CECR2: variants seen among roughly 807,000 people sequenced by gnomAD.
CECR2 encodes chromatin remodeling regulator CECR2.
In CECR2, 30 loss-of-function variants were observed where a neutral mutation model predicts 154.5. That is an observed-to-expected ratio of 0.19 (90% CI 0.15 to 0.26). CECR2 has a LOEUF of 0.26. Among genes scored for constraint, CECR2 ranks in the 10% least tolerant of loss-of-function variants. The pLI, the probability that CECR2 is intolerant of heterozygous loss-of-function variation, is 1.00. For synonymous variants in CECR2, 725 were observed against 683.7 expected, an observed-to-expected ratio of 1.06 and a Z score of -0.94; for missense variants, 1,743 against 1,829.3, an observed-to-expected ratio of 0.95 and a Z score of 0.86.
Position 17,550,411 on chromosome 22 carries a change from TAA to T in CECR2, c.4277+863_4277+864del, listed in dbSNP as rs66840782. 419 of 134,992 alleles carry T rather than the reference TAA, an allele frequency of 3.1e-3. No homozygotes were observed. The Middle Eastern group carries it at 0.07, about 23-fold the overall frequency. The allele number at this position is 134,992 out of a possible 1,614,324, so 8.4% of individuals were successfully genotyped here. On this transcript the variant is annotated intron_variant, in intron 17 of 18. Coordinates refer to ENST00000262608, the MANE Select transcript of CECR2 (RefSeq NM_001290047.2). ...CCATGTGGAGACACTCTGACCAAGG[TAA>T]AAAAAAAAAAAAAAATAGGCCTACC...
intron 1 of CECR2, among the ~76,000 whole-genome samples, chr22:17,459,691 A>G (rs2054907935): frequency 6.6e-6 from 1 of 152,210 alleles, no homozygotes; most frequent in Non-Finnish European, 1.5e-5. Flanking sequence ...CAAAATTATT[A>G]TAGTTGCTTC....
chr22:17,380,262 G>C (rs532518459), intron 1 of CECR2, among the ~76,000 whole-genome samples: 3 of 152,260 alleles, frequency 2.0e-5, no homozygotes, highest in South Asian at 2.1e-4. Flanking sequence ...TGACCCCTCT[G>C]AATAATTCTC....
chr22:17,485,371 A>G (rs2055401586), intron 2 of CECR2, among the ~76,000 whole-genome samples: 1 of 152,254 alleles, frequency 6.6e-6, no homozygotes, highest in African/African-American at 2.4e-5. Flanking sequence ...CCTTGAAAAC[A>G]GGATTTTTAA....
chr22:17,500,403 T>C (rs111730134), intron 4 of CECR2, among the ~76,000 whole-genome samples: 261 of 152,288 alleles, frequency 1.7e-3, no homozygotes, highest in African/African-American at 5.9e-3. Context: ...GAATGCTTAC[T>C]CTTCGGAAGG....
At chr22:17,448,880 A>C (rs1035200383) in intron 1 of CECR2, among the ~76,000 whole-genome samples, 1 of 150,474 alleles carries the variant, frequency 6.6e-6, no homozygotes, top group South Asian at 2.1e-4. Flanking sequence ...TTTATTTATT[A>C]TTTATTTATT....
chr22:17,460,549 T>C (rs1027026836), intron 1 of CECR2, among the ~76,000 whole-genome samples: 12 of 152,224 alleles, frequency 7.9e-5, no homozygotes, highest in African/African-American at 2.9e-4. Flanking sequence ...GTTATTCACA[T>C]GTGATTCCTG....
Position 17,540,652 on chromosome 22 carries a change from C to G in CECR2, c.1736C>G (p.Pro579Arg). 1 of 1,613,908 alleles carries G rather than the reference C, an allele frequency of 6.2e-7. No homozygotes were observed. Among genetic ancestry groups the G allele is most frequent in the Non-Finnish European group, 8.5e-7 (1 of 1,179,874 alleles). Reference protein sequence around the residue: ...PMENGGKSLPPTRRAPSSGDD... With the variant: ...PMENGGKSLPRTRRAPSSGDD... ...GAGAATGGAGGAAAGTCGTTGCCCC[C>G]CACACGCCGAGCGCCCTCTTCTGGG... Residue 579 changes from proline to arginine, a missense_variant, in exon 14 of 19, where the codon CCC becomes CGC. Transcript: ENST00000262608.
chr22:17,462,911 C>CA (rs199951689), intron 1 of CECR2, among the ~76,000 whole-genome samples: 2,591 of 152,166 alleles, frequency 0.017, 72 homozygotes, highest in African/African-American at 0.059. Context: ...GACTCCGTCT[C>CA]AAAAAAATTT....
chr22:17,523,613 G>A (rs770825494), intron 8 of CECR2, among the ~76,000 whole-genome samples: 9 of 151,776 alleles, frequency 5.9e-5, no homozygotes, highest in African/African-American at 9.7e-5. Context: ...AAAATTAGCC[G>A]GGCGTGGTGG....
intron 1 of CECR2, among the ~76,000 whole-genome samples, chr22:17,381,895 T>TG (rs1016967400): frequency 2.8e-4 from 39 of 136,920 alleles, no homozygotes; most frequent in African/African-American, 1.2e-3. Context: ...TTTTTTTTTT[T>TG]TGTTTTTTTT....
At chr22:17,472,296 A>G (rs2055140367) in intron 1 of CECR2, among the ~76,000 whole-genome samples, 1 of 152,218 alleles carries the variant, frequency 6.6e-6, no homozygotes, top group Non-Finnish European at 1.5e-5. Flanking sequence ...ACCAAGTTAG[A>G]AAGCATCAGC....
At chr22:17,460,895 C>G (rs1027293637) in intron 1 of CECR2, among the ~76,000 whole-genome samples, 1 of 152,188 alleles carries the variant, frequency 6.6e-6, no homozygotes, top group African/African-American at 2.4e-5. Context: ...TTCATCCTTT[C>G]TAGGTCTCTT....
At chr22:17,551,930 C>T (rs551238126) in intron 17 of CECR2, 101 bp from the exon 18 acceptor site, 65 of 1,089,684 alleles carry the variant, frequency 6.0e-5, no homozygotes, top group Non-Finnish European at 7.4e-5. Flanking sequence ...GCCTGATCAC[C>T]GGGGTGATGA....
intron 4 of CECR2, among the ~76,000 whole-genome samples, chr22:17,500,198 G>A (rs556171428): frequency 6.1e-5 from 8 of 131,148 alleles, no homozygotes; most frequent in Admixed American, 1.7e-4. Flanking sequence ...GCGACAGAGC[G>A]AGACTCCATC....
intron 1 of CECR2, among the ~76,000 whole-genome samples, chr22:17,378,190 A>C (rs548865983): frequency 6.6e-6 from 1 of 150,990 alleles, no homozygotes; most frequent in Non-Finnish European, 1.5e-5. Context: ...TCACCGTGTT[A>C]GCCAGGATGG....
At chr22:17,526,057 G>A (rs1196943512) in intron 9 of CECR2, among the ~76,000 whole-genome samples, 2 of 152,104 alleles carry the variant, frequency 1.3e-5, no homozygotes, top group Non-Finnish European at 2.9e-5. Context: ...ACAAGAATCA[G>A]TATTCTTAAA....
chr22:17,431,906 CAACACCCCAAACCTTTCA>C (rs2054429756), intron 1 of CECR2, among the ~76,000 whole-genome samples: 1 of 152,144 alleles, frequency 6.6e-6, no homozygotes, highest in Non-Finnish European at 1.5e-5. Flanking sequence ...AGAACATTTT[CAACACCCCAAACCTTTCA>C]GCAGGCACAC....
intron 1 of CECR2, among the ~76,000 whole-genome samples, chr22:17,412,918 T>C (rs2054088883): frequency 6.6e-6 from 1 of 152,178 alleles, no homozygotes; most frequent in African/African-American, 2.4e-5. Context: ...ACGATGCTGC[T>C]TTTTTTGCGG....
chr22:17,363,449 C>T (rs1329558537), intron 1 of CECR2, among the ~76,000 whole-genome samples: 3 of 152,118 alleles, frequency 2.0e-5, no homozygotes, highest in African/African-American at 7.2e-5. Flanking sequence ...ACCTTATGAT[C>T]CGCCTGCCTT....
Sources: allele counts gnomAD v4.1 joint callset (sites outside exome capture counted in the v4.1 genomes callset), GRCh38; gene constraint gnomAD v4.1.1; transcripts MANE v1.5; gene names NCBI Gene and HGNC (gene_info 2026-07-23, HGNC 2026-07-21).